KCNH5: variants seen among roughly 807,000 people sequenced by gnomAD.
The protein encoded by KCNH5 is potassium voltage-gated channel subfamily H member 5.
KCNH5 carries 46 observed loss-of-function variants against 96.1 expected under a neutral mutation model. The ratio of observed to expected loss-of-function variants is 0.48; its 90% CI spans 0.38 to 0.61. The LOEUF is 0.61. Ranked by LOEUF, KCNH5 falls within the 20% of genes least tolerant of loss-of-function variation. KCNH5 has a pLI of 0.00. For synonymous variants in KCNH5, 439 were observed against 449.8 expected (o/e 0.98, Z 0.30); for missense variants, 907 against 1,225.8 (o/e 0.74, Z 3.88).
At chr14:62,963,480 A>G (rs1594648455) in intron 6 of KCNH5, among the ~76,000 whole-genome samples, 2 of 152,134 alleles carry the variant, frequency 1.3e-5, no homozygotes, top group African/African-American at 4.8e-5. Context: ...AGGAGACCCA[A>G]GAAAGCCGAT....
chr14:62,911,530 T>C (rs1308641427), intron 7 of KCNH5, among the ~76,000 whole-genome samples: 1 of 152,116 alleles, frequency 6.6e-6, no homozygotes, highest in African/African-American at 2.4e-5. Flanking sequence ...AAGCCTGGAA[T>C]TGTACCCTAC....
chr14:62,895,921 T>C (rs1283547118), intron 7 of KCNH5, among the ~76,000 whole-genome samples: 1 of 152,186 alleles, frequency 6.6e-6, no homozygotes, highest in African/African-American at 2.4e-5. Flanking sequence ...ATACCCCTAA[T>C]TTCATTTAGG....
intron 7 of KCNH5, among the ~76,000 whole-genome samples, chr14:62,869,789 G>A (rs925627295): frequency 2.6e-5 from 4 of 152,010 alleles, no homozygotes; most frequent in African/African-American, 7.2e-5. Context: ...CAGAAATAAC[G>A]CCACACATCT....
intron 4 of KCNH5, among the ~76,000 whole-genome samples, chr14:62,988,607 C>T (rs755889117): frequency 2.0e-5 from 3 of 151,890 alleles, no homozygotes; most frequent in Non-Finnish European, 4.4e-5. Flanking sequence ...CATTATTGGA[C>T]CCCATCCTAG....
intron 9 of KCNH5, among the ~76,000 whole-genome samples, chr14:62,792,187 G>A (rs543840445): frequency 4.0e-5 from 6 of 151,626 alleles, no homozygotes; most frequent in African/African-American, 1.4e-4. Flanking sequence ...ATTTAGAAAT[G>A]ATGTCTGCCA....
intron 6 of KCNH5, among the ~76,000 whole-genome samples, chr14:62,971,302 T>C (rs1237925235): frequency 1.1e-4 from 16 of 152,020 alleles, no homozygotes; most frequent in African/African-American, 3.9e-4. Flanking sequence ...ATAAATCTAA[T>C]AAAATGTGCA....
chr14:62,811,045 C>T (rs1157354771), intron 8 of KCNH5, among the ~76,000 whole-genome samples: 1 of 151,890 alleles, frequency 6.6e-6, no homozygotes, highest in Non-Finnish European at 1.5e-5. Context: ...TGTAAGAAAC[C>T]ATTTTTCAGA....
intron 3 of KCNH5, among the ~76,000 whole-genome samples, chr14:63,004,286 A>G (rs1891085824): frequency 6.6e-6 from 1 of 152,192 alleles, no homozygotes; most frequent in South Asian, 2.1e-4. Context: ...CTCCATTATA[A>G]TACATGGATA....
Position 63,007,066 on chromosome 14 carries a change from T to A in KCNH5, c.198-594A>T, listed in dbSNP as rs185021896. ...TTCAAATTGAACATAAATGAAGTTA[T>A]AAGAGAAATAGGTGACCATGGAAAT... On this transcript the variant is annotated intron_variant, in intron 2 of 10. Transcript: ENST00000322893. Among the ~76,000 whole-genome samples the A allele has an allele frequency of 4.0e-4, 61 of 152,282 alleles. 1 individual carries two copies. Among genetic ancestry groups the A allele is most frequent in the Non-Finnish European group, 6.6e-4 (45 of 68,016 alleles).
chr14:62,741,341 G>A (rs1173291114), intron 10 of KCNH5, among the ~76,000 whole-genome samples: 5 of 152,114 alleles, frequency 3.3e-5, no homozygotes, highest in African/African-American at 9.7e-5. Flanking sequence ...GGGAAATCTC[G>A]TGATATTGCA....
intron 6 of KCNH5, among the ~76,000 whole-genome samples, chr14:62,975,878 C>T (rs551152561): frequency 2.0e-5 from 3 of 152,232 alleles, no homozygotes; most frequent in African/African-American, 7.2e-5. Context: ...GTTAAAGAGA[C>T]TTTCAGAATC....
chr14:62,906,987 C>A (rs1237739282), intron 7 of KCNH5, among the ~76,000 whole-genome samples: 1 of 152,192 alleles, frequency 6.6e-6, no homozygotes, highest in Admixed American at 6.5e-5. Context: ...TTCCTGAATT[C>A]TTTGTAAAGA....
At chr14:62,828,357 T>A (rs1320137987) in intron 8 of KCNH5, among the ~76,000 whole-genome samples, 1 of 152,198 alleles carries the variant, frequency 6.6e-6, no homozygotes, top group Non-Finnish European at 1.5e-5. Flanking sequence ...TTTTCTTAAC[T>A]AGCAATAGTT....
Position 62,707,690 on chromosome 14 carries a change from T to G in KCNH5, c.2785A>C (p.Thr929Pro). The change falls in exon 11 of 11, where the codon ACT (threonine) becomes CCT (proline). Residue 929 changes from threonine to proline, a missense_variant. Physicochemically the swap from Thr to Pro is conservative, Grantham distance 38. Coordinates refer to ENST00000322893, the MANE Select transcript of KCNH5 (RefSeq NM_139318.5). The stretch of plus-strand genomic sequence containing the variant: ...TCTGCCACCTGCTTTTCTAGGGCAG[T>G]CATTCTGCAGCTGAGCAGCTGGATG... ...EDIQLLSCRM[T>P]ALEKQVAEIL... The G allele has an allele frequency of 1.9e-6, 3 of 1,596,478 alleles. No homozygotes were observed. Among genetic ancestry groups the G allele is most frequent in the Non-Finnish European group, 2.6e-6 (3 of 1,166,142 alleles).
chr14:62,964,287 A>G (rs1890265508), intron 6 of KCNH5, among the ~76,000 whole-genome samples: 1 of 152,110 alleles, frequency 6.6e-6, no homozygotes, highest in South Asian at 2.1e-4. Flanking sequence ...TAAATCTTCC[A>G]TCACTTGAGG....
chr14:62,725,462 G>A (rs1252517625), intron 10 of KCNH5, among the ~76,000 whole-genome samples: 2 of 152,210 alleles, frequency 1.3e-5, no homozygotes, highest in African/African-American at 4.8e-5. Context: ...ACTCCAGGGA[G>A]TTGTGACCCT....
chr14:62,808,707 T>A (rs1237684766), intron 8 of KCNH5, among the ~76,000 whole-genome samples: 2 of 152,130 alleles, frequency 1.3e-5, no homozygotes, highest in Admixed American at 6.6e-5. Flanking sequence ...CTCCTGTAAT[T>A]CTAATATGAC....
intron 8 of KCNH5, among the ~76,000 whole-genome samples, chr14:62,836,691 G>T (rs989634005): frequency 1.3e-5 from 2 of 151,998 alleles, no homozygotes; most frequent in Non-Finnish European, 2.9e-5. Flanking sequence ...ACTAACAACT[G>T]CATAAGCATT....
chr14:62,790,689 ATTTTACC>A (rs908676700), intron 9 of KCNH5, among the ~76,000 whole-genome samples: 3 of 150,440 alleles, frequency 2.0e-5, no homozygotes, highest in Non-Finnish European at 4.4e-5. Flanking sequence ...GTGTACAGAT[ATTTTACC>A]TTTTTGGTTA....
Sources: gnomAD v4.1 joint callset for allele counts (sites outside exome capture counted in the v4.1 genomes callset) on GRCh38, gnomAD v4.1.1 for gene constraint, MANE v1.5 for transcripts, NCBI Gene and HGNC (gene_info 2026-07-23, HGNC 2026-07-21) for gene names.